CERKL: variants seen among roughly 807,000 people sequenced by gnomAD.
CERKL encodes the protein CERK like autophagy regulator.
A neutral mutation model predicts 63.4 loss-of-function variants in CERKL; 61 were observed. The observed-to-expected ratio is 0.96, with a 90% CI of 0.78 to 1.19. CERKL has a LOEUF of 1.19. CERKL is among the 50% of genes most tolerant of loss of function. CERKL has a pLI of 0.00. For missense variants in CERKL, 675 were observed against 655.5 expected (o/e 1.03, Z -0.33); for synonymous variants, 250 against 230.5 (o/e 1.08, Z -0.77).
At position 181,566,016 on chromosome 2, in the gene CERKL, A is replaced by G. The variant is rs563951010; in HGVS notation, c.677+42T>C. 11 of 1,279,046 alleles carry G rather than the reference A, an allele frequency of 8.6e-6. No individual in the cohort carries two copies. In the South Asian group the frequency reaches 9.7e-5, roughly 11 times the overall value. 79.2% of individuals were successfully genotyped at this position (1,279,046 alleles called of 1,614,324 possible). On this transcript the variant is annotated intron_variant, in intron 4 of 12. Coordinates refer to ENST00000410087, the MANE Select transcript of CERKL (RefSeq NM_201548.5). The stretch of plus-strand genomic sequence containing the variant: ...GCTAAAACTAGTGAAGGCATTTAAT[A>G]CATAAATGATATAACATATATTGAT...
At chr2:181,653,042 G>A (rs1417824436) in intron 1 of CERKL, among the ~76,000 whole-genome samples, 1 of 152,134 alleles carries the variant, frequency 6.6e-6, no homozygotes, top group Non-Finnish European at 1.5e-5. Flanking sequence ...CAAAGTGCTG[G>A]GATTACAGGC....
intron 1 of CERKL, among the ~76,000 whole-genome samples, chr2:181,615,667 T>C (rs761010236): frequency 6.6e-6 from 1 of 152,234 alleles, no homozygotes; most frequent in Non-Finnish European, 1.5e-5. Context: ...TAATTAAAAA[T>C]ACAAAATTCT....
chr2:181,595,977 A>C (rs1043561226), intron 2 of CERKL, among the ~76,000 whole-genome samples: 1 of 152,202 alleles, frequency 6.6e-6, no homozygotes, highest in Admixed American at 6.5e-5. Context: ...TATAATAATG[A>C]CTTTAGTAAA....
In CERKL at chr2:181,537,854, G is replaced by A. The variant is rs115260661; in HGVS notation, c.*330C>T. 2,191 of 508,788 alleles carry A rather than the reference G, an allele frequency of 4.3e-3. 35 individuals are homozygous for A. The highest frequency in any genetic ancestry group is 0.034 in the African/African-American group (1,763 of 52,374). 31.5% of individuals were successfully genotyped at this position (508,788 alleles called of 1,614,324 possible). On this transcript the variant is annotated 3_prime_UTR_variant, in exon 13 of 13. Coordinates refer to ENST00000410087, the MANE Select transcript of CERKL (RefSeq NM_201548.5). ...AACATCAATTTCTATTAGGATATCC[G>A]TTTGGCCACACAGCAGGAGGTTAGA...
intron 1 of CERKL, among the ~76,000 whole-genome samples, chr2:181,610,967 G>T (rs1685944031): frequency 6.6e-6 from 1 of 152,120 alleles, no homozygotes; most frequent in African/African-American, 2.4e-5. Context: ...CTCACGGCCT[G>T]TAATCCCAGC....
chr2:181,539,828 A>G (rs1204722547), intron 11 of CERKL, among the ~76,000 whole-genome samples: 4 of 152,206 alleles, frequency 2.6e-5, no homozygotes, highest in African/African-American at 9.6e-5. Context: ...ACTTACCACT[A>G]TAGAATGGTG....
chr2:181,539,312 C>T lies in CERKL; in HGVS notation c.1366-48G>A, dbSNP rs779041774. ...ATTATACTTGGTTTATCTCTAGCTA[C>T]TAACGCGAATCAAAGTTCACTGAGC... On this transcript the variant is annotated intron_variant, in intron 11 of 12. Transcript: ENST00000410087. 10 of 1,242,398 alleles carry T rather than the reference C, an allele frequency of 8.0e-6. No individual in the cohort carries two copies. The South Asian group carries it at 1.2e-4, about 15-fold the overall frequency. 77.0% of individuals were successfully genotyped at this position (1,242,398 alleles called of 1,614,324 possible). A position where few individuals can be genotyped will look rare whatever the true frequency, so the allele number is the denominator to read the frequency against.
intron 8 of CERKL, chr2:181,548,116 T>C (rs1366970065): frequency 1.9e-5 from 11 of 580,970 alleles, no homozygotes; most frequent in Non-Finnish European, 3.3e-5. Flanking sequence ...ATGGCTTTAA[T>C]ATTTGTATTA....
chr2:181,569,741 G>T (rs55743845), intron 3 of CERKL, among the ~76,000 whole-genome samples: 1 of 152,088 alleles, frequency 6.6e-6, no homozygotes, highest in African/African-American at 2.4e-5. Context: ...AGTACCTATC[G>T]TGAACAAGAG....
At chr2:181,612,607 A>T (rs111379881) in intron 1 of CERKL, among the ~76,000 whole-genome samples, 343 of 152,254 alleles carry the variant, frequency 2.3e-3, no homozygotes, top group African/African-American at 7.6e-3. Context: ...CAAGAAATTA[A>T]ACATATTAAA....
chr2:181,656,315 G>A (rs376619051), intron 1 of CERKL, among the ~76,000 whole-genome samples: 68 of 152,340 alleles, frequency 4.5e-4, no homozygotes, highest in African/African-American at 1.6e-3. Flanking sequence ...GTTGGATTCA[G>A]AACTCTTGTG....
intron 2 of CERKL, among the ~76,000 whole-genome samples, chr2:181,579,982 T>C (rs1684429755): frequency 1.3e-5 from 2 of 151,950 alleles, no homozygotes; most frequent in Admixed American, 1.3e-4. Flanking sequence ...TATAGTTTTA[T>C]AATGACTTAA....
Position 181,629,961 on chromosome 2 carries a change from GGA to G in CERKL, c.239-25884_239-25883del, listed in dbSNP as rs1491515370. Among the ~76,000 whole-genome samples the G allele has an allele frequency of 3.6e-3, 341 of 94,212 alleles. 13 individuals are homozygous for G. In the South Asian group the frequency reaches 0.11, roughly 31 times the overall value. 61.8% of individuals were successfully genotyped at this position (94,212 alleles called of 152,430 possible). On this transcript the variant is annotated intron_variant, in intron 1 of 12. Coordinates refer to ENST00000410087, the MANE Select transcript of CERKL (RefSeq NM_201548.5). ...GTAATCACACATTAACCATTGTCTT[GGA>G]AAAAAAAAAAAAAAACACAAGAAGC...
intron 1 of CERKL, among the ~76,000 whole-genome samples, chr2:181,615,012 C>A (rs1418316073): frequency 6.6e-6 from 1 of 152,128 alleles, no homozygotes; most frequent in Non-Finnish European, 1.5e-5. Flanking sequence ...TCTACTGGTT[C>A]ATTAGTATCA....
intron 1 of CERKL, among the ~76,000 whole-genome samples, chr2:181,639,256 T>C (rs1417069743): frequency 6.6e-6 from 1 of 152,144 alleles, no homozygotes; most frequent in Non-Finnish European, 1.5e-5. Flanking sequence ...CTTCAATCAT[T>C]CCAGGGGAAG....
intron 2 of CERKL, among the ~76,000 whole-genome samples, chr2:181,579,434 G>T (rs539173315): frequency 6.6e-6 from 1 of 151,798 alleles, no homozygotes; most frequent in African/African-American, 2.4e-5. Context: ...TTTTTTCCAT[G>T]AACTTTCTAT....
rs369552394 is a variant in CERKL, at chr2:181,601,381, G to A, written c.481+2456C>T. 8.5e-5 allele frequency among the ~76,000 whole-genome samples: 13 copies of A among 152,234 alleles called. No individual in the cohort carries two copies. In the South Asian group the frequency reaches 1.7e-3, roughly 19 times the overall value. ...TCAAGACCAGCCTGGCCAACATGGC[G>A]AAACCCCATCTCTACTAAGTAATAC... is the stretch of plus-strand genomic sequence containing the variant. On this transcript the variant is annotated intron_variant, in intron 2 of 12. Transcript: ENST00000410087.
chr2:181,595,800 A>G (rs1685179052), intron 2 of CERKL, among the ~76,000 whole-genome samples: 1 of 152,196 alleles, frequency 6.6e-6, no homozygotes, highest in Non-Finnish European at 1.5e-5. Flanking sequence ...CAAACCTCAC[A>G]GCAAAACTCA....
chr2:181,615,813 G>A (rs1686167675), intron 1 of CERKL, among the ~76,000 whole-genome samples: 1 of 152,202 alleles, frequency 6.6e-6, no homozygotes, highest in Non-Finnish European at 1.5e-5. Context: ...AAATAGGGCT[G>A]CTCCTGTAGT....
Sources: gnomAD v4.1 joint callset for allele counts (sites outside exome capture counted in the v4.1 genomes callset) on GRCh38, gnomAD v4.1.1 for gene constraint, MANE v1.5 for transcripts, NCBI Gene and HGNC (gene_info 2026-07-23, HGNC 2026-07-21) for gene names.